The following CELF4 variants were observed in gnomAD, a reference collection of about 807,000 sequenced individuals.
CELF4 encodes the protein CUG-BP- and ETR-3-like factor 4.
CELF4 carries 18 observed loss-of-function variants against 59.9 expected under a neutral mutation model. The observed-to-expected ratio is 0.30, with a 90% CI of 0.21 to 0.45. The LOEUF is 0.45. Among genes scored for constraint, CELF4 ranks in the 20% least tolerant of loss-of-function variants. The probability of loss-of-function intolerance (pLI) is 1.00; values close to 1 mark genes in which losing one functional copy is unlikely to be tolerated. For synonymous variants in CELF4, 261 were observed against 267.1 expected (o/e 0.98, Z 0.22); for missense variants, 456 against 689.0 (o/e 0.66, Z 3.79).
At chr18:37,317,379 T>G (rs2096904473) in intron 3 of CELF4, among the ~76,000 whole-genome samples, 1 of 131,202 alleles carries the variant, frequency 7.6e-6, no homozygotes, top group African/African-American at 4.2e-5. Context: ...AAAAGCAAAG[T>G]TTCATTTCAT....
At chr18:37,533,746 C>G (rs1461222654) in intron 1 of CELF4, among the ~76,000 whole-genome samples, 1 of 152,230 alleles carries the variant, frequency 6.6e-6, no homozygotes, top group Non-Finnish European at 1.5e-5. Flanking sequence ...ATCATCAGAG[C>G]TCCTGCATGT....
intron 3 of CELF4, among the ~76,000 whole-genome samples, chr18:37,297,998 C>A (rs8089301): frequency 0.15 from 22,207 of 152,192 alleles, 2,046 homozygotes; most frequent in African/African-American, 0.26. Context: ...ACCAATGGTG[C>A]ACAGTTCTAC....
At chr18:37,385,294 G>A (rs1267548857) in intron 2 of CELF4, among the ~76,000 whole-genome samples, 1 of 144,550 alleles carries the variant, frequency 6.9e-6, no homozygotes, top group Non-Finnish European at 1.5e-5. Context: ...GGCGGAGGTT[G>A]CAGTGAGTGG....
intron 11 of CELF4, among the ~76,000 whole-genome samples, chr18:37,258,139 C>A (rs989213335): frequency 6.6e-6 from 1 of 152,188 alleles, no homozygotes; most frequent in African/African-American, 2.4e-5. Context: ...CTTCTGGATG[C>A]TTTCGAGTTT....
intron 2 of CELF4, among the ~76,000 whole-genome samples, chr18:37,394,963 G>A (rs1259857696): frequency 1.1e-4 from 3 of 28,380 alleles, no homozygotes; most frequent in South Asian, 7.0e-4. Context: ...CCCCCCACCC[G>A]GCCTCCACTC....
At chr18:37,534,246 G>A (rs115424129) in intron 1 of CELF4, among the ~76,000 whole-genome samples, 2,936 of 152,202 alleles carry the variant, frequency 0.019, 94 homozygotes, top group African/African-American at 0.066. Context: ...AGTCCTCGCC[G>A]TCATTAATCA....
chr18:37,384,340 C>G (rs542919055), intron 2 of CELF4, among the ~76,000 whole-genome samples: 3 of 152,118 alleles, frequency 2.0e-5, no homozygotes, highest in African/African-American at 7.2e-5. Flanking sequence ...ACATTAATAT[C>G]TGTCTTCAGG....
At position 37,254,706 on chromosome 18, in the gene CELF4, C is replaced by T. The variant is rs1049038472; in HGVS notation, c.1334-768G>A. Among the ~76,000 whole-genome samples, 3 of 152,266 alleles carry T rather than the reference C, an allele frequency of 2.0e-5. No homozygotes were observed. The highest frequency in any genetic ancestry group is 4.4e-5 in the Non-Finnish European group (3 of 68,038). ...CAGTGCAAATCAGGCCACAGCCCTC[C>T]GTGCAGAAGCGCTTCCCACGCGTTC... On this transcript the variant is annotated intron_variant, in intron 11 of 12. Coordinates refer to ENST00000420428, the MANE Select transcript of CELF4 (RefSeq NM_020180.4). The surrounding 1 kb of genome is among the most constrained non-coding windows in gnomAD (Gnocchi z 5.1).
At chr18:37,455,335 A>G (rs1010073025) in intron 2 of CELF4, among the ~76,000 whole-genome samples, 4 of 152,244 alleles carry the variant, frequency 2.6e-5, no homozygotes, top group African/African-American at 9.6e-5. Flanking sequence ...TAATTTGCTC[A>G]GAGGGTTCTT....
intron 2 of CELF4, among the ~76,000 whole-genome samples, chr18:37,326,478 G>A (rs1273039049): frequency 2.6e-5 from 4 of 152,152 alleles, no homozygotes; most frequent in Admixed American, 2.6e-4. Context: ...CTGGGGTGCA[G>A]GAGCCTTCCT....
chr18:37,391,683 G>A (rs1272123929), intron 2 of CELF4, among the ~76,000 whole-genome samples: 1 of 152,194 alleles, frequency 6.6e-6, no homozygotes, highest in African/African-American at 2.4e-5. Context: ...GCTGGTCCAC[G>A]TAGTGAATTC....
At chr18:37,275,054 C>T (rs1490828275) in intron 4 of CELF4, 61 bp downstream of exon 4, 29 of 1,585,664 alleles carry the variant, frequency 1.8e-5, no homozygotes, top group Middle Eastern at 1.9e-4. Context: ...GAGGAGCCCT[C>T]TGGTCTCCCT....
At chr18:37,364,150 T>C (rs1443488382) in intron 2 of CELF4, among the ~76,000 whole-genome samples, 1 of 152,164 alleles carries the variant, frequency 6.6e-6, no homozygotes, top group Non-Finnish European at 1.5e-5. Context: ...GATGGGAGCT[T>C]CTGTTTGCAC....
intron 10 of CELF4, among the ~76,000 whole-genome samples, chr18:37,263,032 A>G (rs898190476): frequency 5.3e-5 from 8 of 152,090 alleles, no homozygotes; most frequent in South Asian, 2.1e-4. Flanking sequence ...GGTATGCCTC[A>G]TGCACAGCCT....
intron 2 of CELF4, among the ~76,000 whole-genome samples, chr18:37,459,741 C>T (rs1187488071): frequency 6.6e-6 from 1 of 152,176 alleles, no homozygotes; most frequent in Non-Finnish European, 1.5e-5. Context: ...TGCTCACACT[C>T]AGTGGGGAGC....
At chr18:37,529,385 A>G (rs1375076337) in intron 1 of CELF4, among the ~76,000 whole-genome samples, 1 of 152,208 alleles carries the variant, frequency 6.6e-6, no homozygotes, top group Non-Finnish European at 1.5e-5. Context: ...CGAGGTGCTT[A>G]CGACACTGTC....
Position 37,377,411 on chromosome 18 carries a change from C to A in CELF4, c.370-55530G>T, listed in dbSNP as rs191580981. On this transcript the variant is annotated intron_variant, in intron 2 of 12. Coordinates refer to ENST00000420428, the MANE Select transcript of CELF4 (RefSeq NM_020180.4). ...AAAAGAAACAGAAGGAAGAAAATCC[C>A]CCTTCCCAGACAAATCCAACCAGAC... Among the ~76,000 whole-genome samples, 6 of 152,296 alleles carry A rather than the reference C, an allele frequency of 3.9e-5. No individual in the cohort carries two copies. In the East Asian group the frequency reaches 1.2e-3, roughly 29 times the overall value.
chr18:37,322,480 G>A (rs936123479), intron 2 of CELF4, among the ~76,000 whole-genome samples: 12 of 152,350 alleles, frequency 7.9e-5, no homozygotes, highest in Admixed American at 2.0e-4. Context: ...CAGGGAGTGC[G>A]TGGAGTGGGC....
chr18:37,259,181 C>T lies in CELF4; in HGVS notation c.1333G>A (p.Gly445Ser). 1.2e-6 allele frequency: 2 copies of T among 1,612,810 alleles called. No homozygotes were observed. The highest frequency in any genetic ancestry group is 1.7e-6 in the Non-Finnish European group (2 of 1,179,816). ...AELMQMFLPF[G>S]FVSFDNPASA... The stretch of plus-strand genomic sequence containing the variant: ...AACACTTTCGAGGAGATGACATTAC[C>T]GAAAGGGAGGAACATCTGCATCAGC... The change falls in exon 11 of 13, where the codon GGC becomes AGC. Residue 445 changes from glycine to serine, a missense_variant and splice_region_variant. Physicochemically the swap from Gly to Ser is moderately conservative, Grantham distance 56. Coordinates refer to ENST00000420428, the MANE Select transcript of CELF4 (RefSeq NM_020180.4).
Sources: gnomAD v4.1 joint callset for allele counts (sites outside exome capture counted in the v4.1 genomes callset) on GRCh38, gnomAD v4.1.1 for gene constraint, Gnocchi (gnomAD v3.1) non-coding constraint, MANE v1.5 for transcripts, NCBI Gene and HGNC (gene_info 2026-07-23, HGNC 2026-07-21) for gene names.